Variants in PCDH9 observed in about 807,000 individuals in gnomAD.
The protein encoded by PCDH9 is protocadherin 9, also known as protocadherin-9.
In PCDH9, 24 loss-of-function variants were observed where a neutral mutation model predicts 70.6. The observed-to-expected ratio is 0.34, with a 90% confidence interval of 0.25 to 0.48. PCDH9 has a LOEUF of 0.48. PCDH9 is among the 20% of genes least tolerant of loss of function. The pLI is 0.99. For missense variants in PCDH9, 1,281 were observed against 1,503.6 expected (o/e 0.85, Z 2.45); for synonymous variants, 562 against 558.5 (o/e 1.01, Z -0.09).
At chr13:67,223,364 C>A (rs547043708) in intron 2 of PCDH9, 2 of 152,126 alleles carry the variant, frequency 1.3e-5, no homozygotes, top group South Asian at 4.1e-4. Context: ...GCTAATATCA[C>A]CACGTATAGA....
chr13:66,445,762 TAC>T (rs1385158562), intron 4 of PCDH9, among the ~76,000 whole-genome samples: 1 of 145,756 alleles, frequency 6.9e-6, no homozygotes. Flanking sequence ...ATATAATACA[TAC>T]ACATATATAT....
chr13:67,168,563 C>G (rs2088187227), intron 2 of PCDH9, among the ~76,000 whole-genome samples: 1 of 147,094 alleles, frequency 6.8e-6, no homozygotes, highest in East Asian at 2.1e-4. Flanking sequence ...CCCATTTCTA[C>G]AAAATGTTAA....
At chr13:67,082,075 A>G (rs2085996085) in intron 2 of PCDH9, among the ~76,000 whole-genome samples, 1 of 152,078 alleles carries the variant, frequency 6.6e-6, no homozygotes, top group South Asian at 2.1e-4. Context: ...TCTTTTATTT[A>G]TTATTATTAC....
intron 3 of PCDH9, chr13:66,886,061 G>A (rs1024607225): frequency 6.6e-6 from 1 of 152,096 alleles, no homozygotes; most frequent in African/African-American, 2.4e-5. Context: ...CGTTTCAATG[G>A]AGAACATGAA....
intron 3 of PCDH9, among the ~76,000 whole-genome samples, chr13:66,864,994 T>C (rs555790490): frequency 1.3e-5 from 2 of 152,334 alleles, no homozygotes; most frequent in East Asian, 3.9e-4. Context: ...GAAAGAATTA[T>C]GCCAAGATCT....
In PCDH9 at chr13:66,692,229, T is replaced by A. The variant is rs959850471; in HGVS notation, c.3139-60818A>T. Among the ~76,000 whole-genome samples, 11 of 152,264 alleles carry A rather than the reference T, an allele frequency of 7.2e-5. No homozygotes were observed. The East Asian group carries it at 2.1e-3, about 29-fold the overall frequency. The stretch of plus-strand genomic sequence containing the variant: ...AAGAAAATTAAAATCTATAGCTTTA[T>A]CATCAATGTAAGTCATGTTGAAATA... On this transcript the variant is annotated intron_variant, in intron 3 of 4. Coordinates refer to ENST00000377865, the MANE Select transcript of PCDH9 (RefSeq NM_203487.3).
intron 4 of PCDH9, among the ~76,000 whole-genome samples, chr13:66,382,653 G>A (rs1257608106): frequency 6.6e-6 from 1 of 152,124 alleles, no homozygotes; most frequent in East Asian, 1.9e-4. Context: ...TTATCAGACA[G>A]GTACAGTTTA....
chr13:66,364,246 T>G (rs1956518322), intron 4 of PCDH9, among the ~76,000 whole-genome samples: 1 of 152,206 alleles, frequency 6.6e-6, no homozygotes, highest in Non-Finnish European at 1.5e-5. Context: ...TAAATGCATA[T>G]TCATACAGTG....
At chr13:66,991,612 T>C (rs569858673) in intron 2 of PCDH9, among the ~76,000 whole-genome samples, 2 of 152,124 alleles carry the variant, frequency 1.3e-5, no homozygotes, top group Non-Finnish European at 2.9e-5. Context: ...CTAACTACTT[T>C]TTAATTCCAT....
intron 4 of PCDH9, among the ~76,000 whole-genome samples, chr13:66,321,420 G>A (rs896934143): frequency 2.6e-5 from 4 of 151,990 alleles, no homozygotes; most frequent in Admixed American, 6.6e-5. Context: ...TGGAATCCAG[G>A]TGATTGAGCA....
chr13:67,072,237 T>C (rs1344779480), intron 2 of PCDH9, among the ~76,000 whole-genome samples: 1 of 152,118 alleles, frequency 6.6e-6, no homozygotes, highest in Non-Finnish European at 1.5e-5. Context: ...CATTTCCCCC[T>C]GAGGCCACAA....
chr13:66,970,528 T>C (rs1678167482), intron 2 of PCDH9, among the ~76,000 whole-genome samples: 1 of 149,712 alleles, frequency 6.7e-6, no homozygotes, highest in Non-Finnish European at 1.5e-5. Flanking sequence ...TGGTCCTGAC[T>C]ACTGGGGAGG....
At chr13:66,459,624 T>C (rs1958384537) in intron 4 of PCDH9, among the ~76,000 whole-genome samples, 1 of 151,960 alleles carries the variant, frequency 6.6e-6, no homozygotes, top group Admixed American at 6.6e-5. Flanking sequence ...CTAAGAAGAA[T>C]ACTAGAAAGT....
chr13:66,602,502 A>C (rs1566448838), intron 4 of PCDH9, among the ~76,000 whole-genome samples: 1 of 146,010 alleles, frequency 6.8e-6, no homozygotes, highest in Non-Finnish European at 1.5e-5. Context: ...AATTAAAAAA[A>C]AACAACAACA....
At chr13:67,112,481 T>C (rs897184422) in intron 2 of PCDH9, among the ~76,000 whole-genome samples, 1 of 152,154 alleles carries the variant, frequency 6.6e-6, no homozygotes, top group African/African-American at 2.4e-5. Context: ...TAATCTTGCA[T>C]GGAAGAGATT....
intron 1 of PCDH9, among the ~76,000 whole-genome samples, chr13:67,229,104 A>G (rs577145154): frequency 1.3e-5 from 2 of 152,320 alleles, no homozygotes; most frequent in African/African-American, 4.8e-5. Context: ...CTGGGAAACG[A>G]GCATCCGGAC....
At chr13:66,584,390 T>G (rs542741616) in intron 4 of PCDH9, among the ~76,000 whole-genome samples, 1 of 152,108 alleles carries the variant, frequency 6.6e-6, no homozygotes, top group Non-Finnish European at 1.5e-5. Flanking sequence ...AAGCACCAAT[T>G]CCAAGATTGA....
intron 3 of PCDH9, among the ~76,000 whole-genome samples, chr13:66,821,675 G>C (rs2080714383): frequency 6.6e-6 from 1 of 152,058 alleles, no homozygotes; most frequent in Admixed American, 6.5e-5. Flanking sequence ...CAAATTCTGT[G>C]TCCAGAATCC....
At chr13:66,385,440 C>A (rs1956912524) in intron 4 of PCDH9, among the ~76,000 whole-genome samples, 2 of 152,188 alleles carry the variant, frequency 1.3e-5, no homozygotes, top group South Asian at 4.1e-4. Context: ...CTCCGTCTAG[C>A]CCGCCCTATC....
Sources: allele counts gnomAD v4.1 joint callset (sites outside exome capture counted in the v4.1 genomes callset), GRCh38; gene constraint gnomAD v4.1.1; transcripts MANE v1.5; gene names NCBI Gene and HGNC (gene_info 2026-07-23, HGNC 2026-07-21).